Variants in PIP5K1C observed in about 807,000 individuals in gnomAD.
PIP5K1C encodes the protein phosphatidylinositol-4-phosphate 5-kinase type 1 gamma, also known as phosphatidylinositol 4-phosphate 5-kinase type-1 gamma.
In PIP5K1C, 45 loss-of-function variants were observed where a neutral mutation model predicts 80.1. The observed-to-expected ratio is 0.56, with a 90% CI of 0.44 to 0.72. PIP5K1C has a LOEUF of 0.72. Ranked by LOEUF, PIP5K1C falls within the 30% of genes least tolerant of loss-of-function variation. PIP5K1C has a pLI of 0.00. For missense variants in PIP5K1C, 753 were observed against 954.6 expected, an observed-to-expected ratio of 0.79 and a Z score of 2.78; for synonymous variants, 498 against 420.1, an observed-to-expected ratio of 1.19 and a Z score of -2.27.
chr19:3,657,206 A>G (rs953660745), intron 5 of PIP5K1C, among the ~76,000 whole-genome samples: 3 of 151,740 alleles, frequency 2.0e-5, no homozygotes, highest in African/African-American at 7.3e-5. Flanking sequence ...TGTTTGTTTC[A>G]TGATGTGCTC....
intron 16 of PIP5K1C, 73 bp downstream of exon 16, chr19:3,638,811 T>G: frequency 6.4e-7 from 1 of 1,570,672 alleles, no homozygotes; most frequent in Non-Finnish European, 8.7e-7. Context: ...GTATGCGGTG[T>G]GCACACGGTG....
chr19:3,679,738 A>C (rs905474388), intron 1 of PIP5K1C, among the ~76,000 whole-genome samples: 4 of 152,172 alleles, frequency 2.6e-5, no homozygotes, highest in South Asian at 2.1e-4. Context: ...CATCAGGAAG[A>C]AGCACAGGCT....
At chr19:3,683,645 A>G (rs1214511205) in intron 1 of PIP5K1C, among the ~76,000 whole-genome samples, 1 of 152,190 alleles carries the variant, frequency 6.6e-6, no homozygotes, top group Non-Finnish European at 1.5e-5. Flanking sequence ...GTAGGGGTGG[A>G]CGCACCTGAT....
At position 3,648,302 on chromosome 19, in the gene PIP5K1C, G is replaced by T. The variant is rs959207154; in HGVS notation, c.1211+323C>A. 6.6e-6 allele frequency among the ~76,000 whole-genome samples: 1 copy of T among 152,210 alleles called. No individual in the cohort carries two copies. The highest frequency in any genetic ancestry group is 1.5e-5 in the Non-Finnish European group (1 of 68,032). On this transcript the variant is annotated intron_variant, in intron 9 of 17. Transcript: ENST00000335312. This position sits in a 1 kb window ranked among gnomAD's most constrained non-coding sequence, Gnocchi z 4.3. Reference sequence around the variant, plus strand: ...CCTCCCACAGTGCTAGATTACAGGTGTGGACCACTACGCCCAACTCACTCT... The same window carrying T: ...CCTCCCACAGTGCTAGATTACAGGTTTGGACCACTACGCCCAACTCACTCT...
At chr19:3,651,460 G>A (rs1160328508) in intron 8 of PIP5K1C, among the ~76,000 whole-genome samples, 2 of 152,218 alleles carry the variant, frequency 1.3e-5, no homozygotes, top group African/African-American at 2.4e-5. Flanking sequence ...GGCCTCCCAT[G>A]CGCCTTCCAC....
chr19:3,637,976 A>G lies in PIP5K1C; in HGVS notation c.1920+908T>C. 1 of 1,530,956 alleles carries G rather than the reference A, an allele frequency of 6.5e-7. No homozygotes were observed. Among genetic ancestry groups the G allele is most frequent in the South Asian group, 1.2e-5 (1 of 83,436 alleles). The allele number at this position is 1,530,956 out of a possible 1,614,324, so 94.8% of individuals were successfully genotyped here. A position where few individuals can be genotyped will look rare whatever the true frequency, so the allele number is the denominator to read the frequency against. On this transcript the variant is annotated intron_variant, in intron 16 of 17. Coordinates refer to ENST00000335312, the MANE Select transcript of PIP5K1C (RefSeq NM_012398.3). This position sits in a 1 kb window ranked among gnomAD's most constrained non-coding sequence, Gnocchi z 7.0. ...GCCCGTCCCTCCCTTCTCCAGGGCC[A>G]GGTGGGTGCATGGGGACCCCAGAGG...
chr19:3,662,146 G>T, intron 3 of PIP5K1C, 145 bp from the exon 4 acceptor site: 1 of 1,006,526 alleles, frequency 9.9e-7, no homozygotes, highest in Non-Finnish European at 1.5e-6. Flanking sequence ...CCCCGGGGCT[G>T]CCTGTCCTGC....
chr19:3,687,621 A>C (rs1490370539), intron 1 of PIP5K1C, among the ~76,000 whole-genome samples: 4 of 151,544 alleles, frequency 2.6e-5, no homozygotes, highest in African/African-American at 7.3e-5. Context: ...ACACACGCAC[A>C]GGCCCTCAGA....
At chr19:3,664,680 T>C in intron 3 of PIP5K1C, 142 bp downstream of exon 3, 1 of 776,544 alleles carries the variant, frequency 1.3e-6, no homozygotes, top group East Asian at 2.6e-5. Flanking sequence ...CTCCAGCCTC[T>C]GCCTCCACAC....
Position 3,687,823 on chromosome 19 carries a change from TC to T in PIP5K1C, c.94+12473del, listed in dbSNP as rs957449986. ...CCCGCAGGGCATAGAGTGATCGCTT[TC>T]CCCGCAGCAGGTGGGCGGGCAGGAG... On this transcript the variant is annotated intron_variant, in intron 1 of 17. Coordinates refer to ENST00000335312, the MANE Select transcript of PIP5K1C (RefSeq NM_012398.3). 9.6e-4 allele frequency among the ~76,000 whole-genome samples: 145 copies of T among 151,548 alleles called. 1 individual carries two copies. Among genetic ancestry groups the T allele is most frequent in the African/African-American group, 3.3e-3 (138 of 41,494 alleles).
chr19:3,680,227 C>T (rs1024728502), intron 1 of PIP5K1C, among the ~76,000 whole-genome samples: 1 of 152,206 alleles, frequency 6.6e-6, no homozygotes, highest in Non-Finnish European at 1.5e-5. Context: ...TCCATCCAAA[C>T]CAAAATCAGC....
At chr19:3,641,957 C>G in intron 14 of PIP5K1C, 148 bp from the exon 15 acceptor site, 1 of 705,560 alleles carries the variant, frequency 1.4e-6, no homozygotes, top group South Asian at 1.5e-5. Context: ...TCACTCCCAG[C>G]CCGGGGACTG....
At chr19:3,694,056 C>T (rs1421781660) in intron 1 of PIP5K1C, among the ~76,000 whole-genome samples, 4 of 151,918 alleles carry the variant, frequency 2.6e-5, no homozygotes, top group Non-Finnish European at 5.9e-5. Flanking sequence ...ACTAAAAATA[C>T]AAAACATTAG....
intron 6 of PIP5K1C, among the ~76,000 whole-genome samples, chr19:3,654,092 C>G (rs2034541818): frequency 6.6e-6 from 1 of 152,228 alleles, no homozygotes. Context: ...GCCTCCACCT[C>G]CAGGGCTCAA....
rs565974601 is a variant in PIP5K1C at position 3,663,987 on chromosome 19, A to G, written c.219+835T>C. Among the ~76,000 whole-genome samples the G allele has an allele frequency of 2.2e-4, 33 of 152,326 alleles. 1 individual carries two copies. In the South Asian group the frequency reaches 3.1e-3, roughly 14 times the overall value. ...AGCACCCGAGCGTCCATGACGCAGCAAAGGACAAGTGCAGCACGGGCGCCC... is the reference window on the plus strand; with the variant it reads ...AGCACCCGAGCGTCCATGACGCAGCGAAGGACAAGTGCAGCACGGGCGCCC... On this transcript the variant is annotated intron_variant, in intron 3 of 17. Coordinates refer to ENST00000335312, the MANE Select transcript of PIP5K1C (RefSeq NM_012398.3).
Position 3,648,738 on chromosome 19 carries a change from C to T in PIP5K1C, c.1128-30G>A, listed in dbSNP as rs2034338002. On this transcript the variant is annotated intron_variant, in intron 8 of 17. Coordinates refer to ENST00000335312, the MANE Select transcript of PIP5K1C (RefSeq NM_012398.3). The surrounding 1 kb of genome is among the most constrained non-coding windows in gnomAD (Gnocchi z 4.3). ...GGAGAGAGGCCGAGGGTACCATCAG[C>T]ATCCCGCAGAGCTGGGACTCGGGGC... 9 of 1,596,736 alleles carry T rather than the reference C, an allele frequency of 5.6e-6. No individual in the cohort carries two copies. Among genetic ancestry groups the T allele is most frequent in the Non-Finnish European group, 7.7e-6 (9 of 1,165,338 alleles).
At chr19:3,652,168 G>A (rs1265421780) in intron 7 of PIP5K1C, 137 bp from the exon 8 acceptor site, 1 of 713,300 alleles carries the variant, frequency 1.4e-6, no homozygotes, top group Non-Finnish European at 2.4e-6. Context: ...CGGCCAGGCA[G>A]GAGTGGGGGT....
chr19:3,641,234 TTAAAAA>T (rs1050513951), intron 15 of PIP5K1C, among the ~76,000 whole-genome samples: 1 of 151,810 alleles, frequency 6.6e-6, no homozygotes, highest in African/African-American at 2.4e-5. Flanking sequence ...ATTTAAAAAA[TTAAAAA>T]TAAAATAAAA....
chr19:3,674,038 G>C (rs1403339783), intron 1 of PIP5K1C: 1 of 152,256 alleles, frequency 6.6e-6, no homozygotes, highest in African/African-American at 2.4e-5. Flanking sequence ...GCGTGAGGAA[G>C]GCTGGCACTT....
Sources: gnomAD v4.1 joint callset for allele counts (sites outside exome capture counted in the v4.1 genomes callset) on GRCh38, gnomAD v4.1.1 for gene constraint, Gnocchi (gnomAD v3.1) non-coding constraint, MANE v1.5 for transcripts, NCBI Gene and HGNC (gene_info 2026-07-23, HGNC 2026-07-21) for gene names.